The following ABLIM2 variants were observed in gnomAD, a reference collection of about 807,000 sequenced individuals.
ABLIM2 encodes actin binding LIM protein family member 2.
ABLIM2 carries 53 observed loss-of-function variants against 97.7 expected under a neutral mutation model. That is an observed-to-expected ratio of 0.54 (90% confidence interval 0.44 to 0.68). The LOEUF (loss-of-function observed/expected upper bound fraction) is 0.68. ABLIM2 is among the 30% of genes least tolerant of loss of function. The pLI, the probability that ABLIM2 is intolerant of heterozygous loss-of-function variation, is 0.00. For synonymous variants in ABLIM2, 361 were observed against 345.8 expected (o/e 1.04, Z -0.49); for missense variants, 835 against 867.2 (o/e 0.96, Z 0.47).
Position 8,127,416 on chromosome 4 carries a change from AC to A in ABLIM2, c.11-20780del. The A allele has an allele frequency of 1.7e-6, 2 of 1,145,964 alleles. No individual in the cohort carries two copies. Among genetic ancestry groups the A allele is most frequent in the East Asian group, 1.2e-4 (2 of 16,932 alleles). The allele number at this position is 1,145,964 out of a possible 1,614,324, so 71.0% of individuals were successfully genotyped here. ...TTCACGCAGGGCACAACTTGACTGG[AC>A]CCGTCCTTTCCCACCAGACCCCTGA... On this transcript the variant is annotated intron_variant, in intron 1 of 20. Coordinates refer to ENST00000447017, the MANE Select transcript of ABLIM2 (RefSeq NM_001130083.2). The surrounding 1 kb of genome is among the most constrained non-coding windows in gnomAD (Gnocchi z 7.3).
intron 1 of ABLIM2, 26 bp from the exon 2 acceptor site, chr4:8,106,663 G>A (rs776063495): frequency 4.7e-5 from 74 of 1,582,110 alleles, no homozygotes; most frequent in South Asian, 1.7e-4. Flanking sequence ...GAAGAGCAGC[G>A]TTCAAGGGTG....
At chr4:7,973,081 G>A (rs1202758926) in intron 20 of ABLIM2, among the ~76,000 whole-genome samples, 1 of 148,556 alleles carries the variant, frequency 6.7e-6, no homozygotes. Context: ...CTTGCTGTGT[G>A]TGTGTGTGTG....
At chr4:8,109,393 T>A (rs1455998931) in intron 1 of ABLIM2, among the ~76,000 whole-genome samples, 1 of 152,214 alleles carries the variant, frequency 6.6e-6, no homozygotes, top group Non-Finnish European at 1.5e-5. Flanking sequence ...CTCACATCTA[T>A]TTACCCAATT....
At chr4:8,133,589 T>A (rs1326899342) in intron 1 of ABLIM2, among the ~76,000 whole-genome samples, 1 of 152,138 alleles carries the variant, frequency 6.6e-6, no homozygotes, top group African/African-American at 2.4e-5. Flanking sequence ...ACCCCTGGTT[T>A]CGGATCTGAA....
rs1044745863 is a variant in ABLIM2 at position 8,021,424 on chromosome 4, C to T, written c.1268-1121G>A. Among the ~76,000 whole-genome samples the T allele has an allele frequency of 7.9e-5, 12 of 152,174 alleles. No homozygotes were observed. The highest frequency in any genetic ancestry group is 2.1e-4 in the South Asian group (1 of 4,824). On this transcript the variant is annotated intron_variant, in intron 12 of 20. Coordinates refer to ENST00000447017, the MANE Select transcript of ABLIM2 (RefSeq NM_001130083.2). The surrounding 1 kb of genome is among the most constrained non-coding windows in gnomAD (Gnocchi z 5.5). The stretch of plus-strand genomic sequence containing the variant: ...CCTGCAGAAGACACTCCCAAGGCCC[C>T]GTTCCTCCCACCTGCCAGCCCCAGG...
At chr4:8,036,742 T>C (rs1784708473) in intron 9 of ABLIM2, among the ~76,000 whole-genome samples, 1 of 152,216 alleles carries the variant, frequency 6.6e-6, no homozygotes, top group Admixed American at 6.5e-5. Flanking sequence ...AGGCCATGCC[T>C]GTGATGTACC....
At chr4:8,090,099 T>G (rs1251364827) in intron 3 of ABLIM2, among the ~76,000 whole-genome samples, 1 of 152,206 alleles carries the variant, frequency 6.6e-6, no homozygotes, top group Admixed American at 6.5e-5. Context: ...AAATACAGGC[T>G]GAGCTGAACC....
chr4:7,983,897 C>G (rs7686189), intron 18 of ABLIM2, among the ~76,000 whole-genome samples: 2 of 152,186 alleles, frequency 1.3e-5, no homozygotes, highest in Non-Finnish European at 1.5e-5. Flanking sequence ...GCCTGTACAG[C>G]GGGCATTTCA....
chr4:8,133,439 C>T (rs978276454), intron 1 of ABLIM2, among the ~76,000 whole-genome samples: 9 of 152,238 alleles, frequency 5.9e-5, no homozygotes, highest in African/African-American at 9.6e-5. Flanking sequence ...TCCTGCCTGC[C>T]GGTCCATATC....
intron 9 of ABLIM2, among the ~76,000 whole-genome samples, chr4:8,038,045 A>G (rs1259495830): frequency 6.6e-6 from 1 of 151,902 alleles, no homozygotes; most frequent in Non-Finnish European, 1.5e-5. Context: ...GCCACAGGTG[A>G]CTCTGGTGGA....
intron 20 of ABLIM2, among the ~76,000 whole-genome samples, chr4:7,975,301 T>G (rs1732073551): frequency 6.6e-6 from 1 of 152,222 alleles, no homozygotes; most frequent in Non-Finnish European, 1.5e-5. Flanking sequence ...AGTTTGAACC[T>G]CAGCTCTGCC....
chr4:8,137,281 G>T (rs867596808), intron 1 of ABLIM2, among the ~76,000 whole-genome samples: 1 of 152,216 alleles, frequency 6.6e-6, no homozygotes, highest in Admixed American at 6.5e-5. Context: ...TCCTGAGCTG[G>T]GTGAGACAGT....
rs1760858207 is a variant in ABLIM2 at position 8,005,747 on chromosome 4, T to C, written c.1618+2312A>G. ...AGAAGTAAAGGCACAATCAGAATGG[T>C]TAGACACAGCGGGTTTCCTGCTCAG... On this transcript the variant is annotated intron_variant, in intron 16 of 20. Coordinates refer to ENST00000447017, the MANE Select transcript of ABLIM2 (RefSeq NM_001130083.2). This position sits in a 1 kb window ranked among gnomAD's most constrained non-coding sequence, Gnocchi z 4.9. Among the ~76,000 whole-genome samples, 1 of 152,170 alleles carries C rather than the reference T, an allele frequency of 6.6e-6. No individual in the cohort carries two copies. The highest frequency in any genetic ancestry group is 2.4e-5 in the African/African-American group (1 of 41,426).
chr4:8,143,159 T>C (rs1248197200), intron 1 of ABLIM2, among the ~76,000 whole-genome samples: 2 of 61,368 alleles, frequency 3.3e-5, no homozygotes, highest in Admixed American at 1.5e-4. Flanking sequence ...GGGGCGAGAG[T>C]GGGGGGGGGG....
intron 14 of ABLIM2, chr4:8,010,502 C>A: frequency 2.0e-6 from 2 of 985,960 alleles, no homozygotes; most frequent in South Asian, 9.4e-5. Context: ...AAGGACAAGA[C>A]TGATACCAGG....
intron 6 of ABLIM2, among the ~76,000 whole-genome samples, chr4:8,073,719 G>C (rs904133811): frequency 2.6e-5 from 4 of 152,192 alleles, no homozygotes; most frequent in Non-Finnish European, 5.9e-5. Context: ...CCGCACAGAA[G>C]GCACAAAGAC....
intron 1 of ABLIM2, among the ~76,000 whole-genome samples, chr4:8,144,207 C>T (rs528894746): frequency 6.6e-6 from 1 of 152,346 alleles, no homozygotes; most frequent in South Asian, 2.1e-4. Context: ...GAAGCAGCCC[C>T]TGGTGCTCGG....
rs961099570 is a variant in ABLIM2, at chr4:7,984,370, C to T, written c.1735+469G>A. On this transcript the variant is annotated intron_variant, in intron 18 of 20. Coordinates refer to ENST00000447017, the MANE Select transcript of ABLIM2 (RefSeq NM_001130083.2). Reference sequence around the variant, plus strand: ...GGCACAGAGGCTGACAGGAGGTGAGCCTGTGGGAGGTGTCAGGCACCTGCC... The same window carrying T: ...GGCACAGAGGCTGACAGGAGGTGAGTCTGTGGGAGGTGTCAGGCACCTGCC... Among the ~76,000 whole-genome samples, 18 of 152,356 alleles carry T rather than the reference C, an allele frequency of 1.2e-4. No individual in the cohort carries two copies. The South Asian group carries it at 3.5e-3, about 30-fold the overall frequency.
chr4:8,017,508 G>GAA (rs1770305612), intron 14 of ABLIM2, among the ~76,000 whole-genome samples: 1 of 151,754 alleles, frequency 6.6e-6, no homozygotes, highest in South Asian at 2.1e-4. Context: ...GGCTGGTCTC[G>GAA]AACTCCTGAG....
Sources: gnomAD v4.1 joint callset for allele counts (sites outside exome capture counted in the v4.1 genomes callset) on GRCh38, gnomAD v4.1.1 for gene constraint, Gnocchi (gnomAD v3.1) non-coding constraint, MANE v1.5 for transcripts, NCBI Gene and HGNC (gene_info 2026-07-23, HGNC 2026-07-21) for gene names.